Variants in GLIS3 observed in about 807,000 individuals in gnomAD.
The protein encoded by GLIS3 is GLIS family zinc finger 3.
GLIS3 carries 53 observed loss-of-function variants against 78.6 expected under a neutral mutation model. The ratio of observed to expected loss-of-function variants is 0.67; its 90% CI spans 0.54 to 0.85. The LOEUF is 0.85. Among genes scored for constraint, GLIS3 ranks in the 40% least tolerant of loss-of-function variants. The pLI, the probability that GLIS3 is intolerant of heterozygous loss-of-function variation, is 0.00. For synonymous variants in GLIS3, 684 were observed against 509.9 expected, an observed-to-expected ratio of 1.34 and a Z score of -4.60; for missense variants, 1,703 against 1,231.1, an observed-to-expected ratio of 1.38 and a Z score of -5.74.
the GLIS3 span, among the ~76,000 whole-genome samples, chr9:4,480,913 G>C: frequency 6.6e-6 from 1 of 151,236 alleles, no homozygotes; most frequent in Non-Finnish European, 1.5e-5. Flanking sequence ...GAGTACAGTA[G>C]CTTGATCTCA....
chr9:4,340,053 G>T (rs1171747063), intron 2 of GLIS3, among the ~76,000 whole-genome samples: 1 of 151,604 alleles, frequency 6.6e-6, no homozygotes, highest in East Asian at 1.9e-4. Context: ...TTTGCTTCTT[G>T]CTCATCAGTG....
intron 1 of GLIS3, among the ~76,000 whole-genome samples, chr9:4,294,246 C>T (rs1198743014): frequency 2.6e-5 from 4 of 152,198 alleles, no homozygotes; most frequent in Admixed American, 6.5e-5. Context: ...CGGTGGCTCA[C>T]GCCTGTAATC....
chr9:3,916,422 G>A lies in GLIS3; in HGVS notation c.1983+15938C>T, dbSNP rs186170185. On this transcript the variant is annotated intron_variant, in intron 6 of 10. Transcript: ENST00000381971. ...ACAGCAAACCGGGGTGTCCCCCTGCGCCAACTCTCTAATCAGGTTCAAAGT... is the reference window on the plus strand; with the variant it reads ...ACAGCAAACCGGGGTGTCCCCCTGCACCAACTCTCTAATCAGGTTCAAAGT... Among the ~76,000 whole-genome samples, 30 of 152,298 alleles carry A rather than the reference G, an allele frequency of 2.0e-4. No individual in the cohort carries two copies. The South Asian group carries it at 2.5e-3, about 13-fold the overall frequency.
intron 2 of GLIS3, among the ~76,000 whole-genome samples, chr9:4,184,302 G>A (rs1391230679): frequency 1.3e-5 from 2 of 152,142 alleles, no homozygotes; most frequent in Non-Finnish European, 2.9e-5. Context: ...ATATGTGACT[G>A]CACAAGGATG....
the GLIS3 span, among the ~76,000 whole-genome samples, chr9:4,369,077 G>C: frequency 2.0e-5 from 3 of 152,074 alleles, no homozygotes; most frequent in Admixed American, 2.0e-4. Flanking sequence ...CAGACCACAA[G>C]TACTTAGATG....
Position 3,886,244 on chromosome 9 carries a change from T to G in GLIS3, c.2129-6649A>C, listed in dbSNP as rs570556274. ...GTTACTTTACAAATGCAGAAGAGTT[T>G]ACATACCATTCTCAAATAAGCTTTT... On this transcript the variant is annotated intron_variant, in intron 7 of 10. Coordinates refer to ENST00000381971, the MANE Select transcript of GLIS3 (RefSeq NM_001042413.2). Among the ~76,000 whole-genome samples, 4 of 152,352 alleles carry G rather than the reference T, an allele frequency of 2.6e-5. No individual in the cohort carries two copies. The South Asian group carries it at 8.3e-4, about 32-fold the overall frequency.
intron 4 of GLIS3, among the ~76,000 whole-genome samples, chr9:3,981,225 A>G (rs1024855070): frequency 9.2e-5 from 14 of 152,236 alleles, no homozygotes; most frequent in African/African-American, 2.7e-4. Flanking sequence ...TAAAGGAGAC[A>G]GGACTTTAGG....
At chr9:3,974,492 T>C (rs1818620626) in intron 4 of GLIS3, among the ~76,000 whole-genome samples, 1 of 152,150 alleles carries the variant, frequency 6.6e-6, no homozygotes, top group African/African-American at 2.4e-5. Flanking sequence ...TTAATGCAAT[T>C]GGGGAACTGA....
At chr9:3,930,115 T>G (rs1442581031) in intron 6 of GLIS3, among the ~76,000 whole-genome samples, 1 of 152,240 alleles carries the variant, frequency 6.6e-6, no homozygotes, top group Non-Finnish European at 1.5e-5. Context: ...TCATTTTAAC[T>G]TCCGCAAATT....
intron 2 of GLIS3, among the ~76,000 whole-genome samples, chr9:4,337,361 T>C (rs567088390): frequency 2.6e-5 from 4 of 152,340 alleles, no homozygotes; most frequent in Admixed American, 6.5e-5. Flanking sequence ...TATGATTAGA[T>C]AGTATGCAGC....
intron 4 of GLIS3, among the ~76,000 whole-genome samples, chr9:3,990,846 T>G (rs1820176140): frequency 6.6e-6 from 1 of 152,184 alleles, no homozygotes; most frequent in Non-Finnish European, 1.5e-5. Flanking sequence ...CAGAACTGAT[T>G]TTCTCCCTCT....
intron 2 of GLIS3, among the ~76,000 whole-genome samples, chr9:4,200,771 G>C (rs373007008): frequency 6.6e-6 from 1 of 152,180 alleles, no homozygotes; most frequent in South Asian, 2.1e-4. Context: ...AAGAAGAGCT[G>C]ATAATAATCC....
intron 4 of GLIS3, among the ~76,000 whole-genome samples, chr9:4,047,906 CTG>C (rs1452368202): frequency 6.6e-6 from 1 of 152,186 alleles, no homozygotes; most frequent in African/African-American, 2.4e-5. Flanking sequence ...GAGATGAACT[CTG>C]TTGGGACAGC....
At chr9:3,859,554 T>G (rs1366303100) in intron 8 of GLIS3, among the ~76,000 whole-genome samples, 1 of 152,238 alleles carries the variant, frequency 6.6e-6, no homozygotes, top group Non-Finnish European at 1.5e-5. Context: ...ATTTTCCCTC[T>G]TATGGAGTAT....
chr9:4,418,878 G>A, the GLIS3 span, among the ~76,000 whole-genome samples: 2 of 152,172 alleles, frequency 1.3e-5, no homozygotes, highest in Non-Finnish European at 2.9e-5. Context: ...AGCCAGGACA[G>A]GGGATGGGAA....
intron 2 of GLIS3, among the ~76,000 whole-genome samples, chr9:4,154,632 A>G (rs1474573289): frequency 6.6e-6 from 1 of 152,126 alleles, no homozygotes; most frequent in Non-Finnish European, 1.5e-5. Flanking sequence ...TGTAGGGGGA[A>G]AAACAAAGGG....
At chr9:4,350,985 T>C (rs1817963884), upstream of GLIS3, among the ~76,000 whole-genome samples, 1 of 152,134 alleles carries the variant, frequency 6.6e-6, no homozygotes, top group Non-Finnish European at 1.5e-5. Flanking sequence ...TGTGTGTCTG[T>C]GTAGGTCACA....
chr9:4,374,853 T>C, the GLIS3 span, among the ~76,000 whole-genome samples: 1 of 152,282 alleles, frequency 6.6e-6, no homozygotes, highest in Non-Finnish European at 1.5e-5. Flanking sequence ...TGCACATATG[T>C]GCACACAATT....
At chr9:4,199,500 A>T (rs1819169894) in intron 2 of GLIS3, among the ~76,000 whole-genome samples, 1 of 148,964 alleles carries the variant, frequency 6.7e-6, no homozygotes, top group Non-Finnish European at 1.5e-5. Flanking sequence ...AGTTTATATG[A>T]TATAACTTAT....
Sources: gnomAD v4.1 joint callset for allele counts (sites outside exome capture counted in the v4.1 genomes callset) on GRCh38, gnomAD v4.1.1 for gene constraint, MANE v1.5 for transcripts, NCBI Gene and HGNC (gene_info 2026-07-23, HGNC 2026-07-21) for gene names.